Variants in SEC23B observed in about 807,000 individuals in gnomAD.
SEC23B encodes the protein protein transport protein Sec23B.
SEC23B carries 77 observed loss-of-function variants against 104.3 expected under a neutral mutation model. The ratio of observed to expected loss-of-function variants is 0.74; its 90% CI spans 0.61 to 0.89. The LOEUF is 0.89. Among genes scored for constraint, SEC23B ranks in the 40% least tolerant of loss-of-function variants. The pLI is 0.00. For synonymous variants in SEC23B, 338 were observed against 332.5 expected, an observed-to-expected ratio of 1.02 and a Z score of -0.18; for missense variants, 885 against 949.4, an observed-to-expected ratio of 0.93 and a Z score of 0.89.
rs990485649 is a variant in SEC23B, at chr20:18,530,862, A to T, written c.1233+59A>T. On this transcript the variant is annotated intron_variant, in intron 10 of 19. Transcript: ENST00000650089. ...TCACTGTACTGCCCAGGCTGGTCTC[A>T]AACTCCTGGTCTCAGGCAATTTTCC... 14 of 1,391,382 alleles carry T rather than the reference A, an allele frequency of 1.0e-5. No individual in the cohort carries two copies. In the Admixed American group the frequency reaches 2.5e-4, roughly 25 times the overall value. The allele number at this position is 1,391,382 out of a possible 1,614,324, so 86.2% of individuals were successfully genotyped here. A position where few individuals can be genotyped will look rare whatever the true frequency, so the allele number is the denominator to read the frequency against.
chr20:18,522,699 G>GT (rs2148895867), intron 4 of SEC23B, among the ~76,000 whole-genome samples: 1 of 18,514 alleles, frequency 5.4e-5, no homozygotes. Flanking sequence ...TGAGCAACAA[G>GT]CTGTTATTTT....
intron 4 of SEC23B, among the ~76,000 whole-genome samples, chr20:18,517,717 C>T (rs1016723926): frequency 6.6e-6 from 1 of 152,096 alleles, no homozygotes; most frequent in Admixed American, 6.5e-5. Context: ...AGAGATTCAA[C>T]TGAAGAAAGA....
intron 5 of SEC23B, 104 bp from the exon 6 acceptor site, chr20:18,524,831 T>C: frequency 7.5e-7 from 1 of 1,333,140 alleles, no homozygotes; most frequent in Non-Finnish European, 1.1e-6. Flanking sequence ...TAGGTGGGAC[T>C]AGAGGCACAT....
intron 14 of SEC23B, among the ~76,000 whole-genome samples, chr20:18,543,962 G>A (rs1252339238): frequency 2.6e-5 from 4 of 152,178 alleles, no homozygotes; most frequent in Admixed American, 6.5e-5. Context: ...GGGGAGCCAC[G>A]GTGCAGCAGG....
intron 12 of SEC23B, 84 bp downstream of exon 12, chr20:18,535,826 C>T (rs1030096532): frequency 9.8e-7 from 1 of 1,021,786 alleles, no homozygotes; most frequent in Non-Finnish European, 1.5e-6. Context: ...TGGTTACTTT[C>T]TTCACAAACC....
chr20:18,537,733 T>C (rs1265269896), intron 12 of SEC23B, among the ~76,000 whole-genome samples: 1 of 151,946 alleles, frequency 6.6e-6, no homozygotes, highest in African/African-American at 2.4e-5. Context: ...ACTTAAAGTA[T>C]AATAATAATA....
At position 18,524,972 on chromosome 20, in the gene SEC23B, A is replaced by C. The variant is rs778925979; in HGVS notation, c.641A>C (p.Gln214Pro). 3.7e-6 allele frequency: 6 copies of C among 1,614,058 alleles called. No individual in the cohort carries two copies. The highest frequency in any genetic ancestry group is 5.1e-6 in the Non-Finnish European group (6 of 1,179,996). ...CTGACCAAGCCAGCCATGCCCATGC[A>C]GCAAGCACGACCTGCACAACCACAG... ...LGLTKPAMPM[Q>P]QARPAQPQEH... is the part of the protein sequence containing the mutation. Residue 214 changes from glutamine (Q) to proline (P), a missense_variant, in exon 6 of 20, where the codon CAG becomes CCG. By Grantham distance (76) the Gln-to-Pro change is moderately conservative. Transcript: ENST00000650089.
chr20:18,511,350 A>G (rs1403805406), intron 2 of SEC23B, among the ~76,000 whole-genome samples: 1 of 152,176 alleles, frequency 6.6e-6, no homozygotes, highest in Non-Finnish European at 1.5e-5. Flanking sequence ...CTTTTGGCTT[A>G]ACTGTAGACT....
At chr20:18,512,129 T>C in intron 2 of SEC23B, 96 bp from the exon 3 acceptor site, 1 of 776,304 alleles carries the variant, frequency 1.3e-6, no homozygotes, top group Non-Finnish European at 2.1e-6. Context: ...TTTACTGAAC[T>C]TGAAATTTAC....
intron 14 of SEC23B, among the ~76,000 whole-genome samples, 189 bp downstream of exon 14, chr20:18,543,361 T>G (rs899206324): frequency 6.6e-6 from 1 of 152,236 alleles, no homozygotes; most frequent in African/African-American, 2.4e-5. Context: ...ATTTACATTA[T>G]AGTTGGGAAG....
chr20:18,535,737 A>C lies in SEC23B; in HGVS notation c.1399A>C (p.Asn467His), dbSNP rs775102576. 2.5e-6 allele frequency: 4 copies of C among 1,612,354 alleles called. No individual in the cohort carries two copies. In the African/African-American group the frequency reaches 4.0e-5, roughly 16 times the overall value. Residue 467 changes from asparagine (N) to histidine (H), a missense_variant, in exon 12 of 20, where the codon AAT (asparagine) becomes CAT (histidine). Coordinates refer to ENST00000650089, the MANE Select transcript of SEC23B (RefSeq NM_006363.6). ...ACTTGGCATCTATTTTGAAGTTGTC[A>C]ATCAGGTGAGTTGGATTTCTTCACA... ...STLGIYFEVV[N>H]QHNTPIPQGG...
Position 18,546,006 on chromosome 20 carries a change from A to C in SEC23B, c.1716A>C (p.Leu572Phe). The C allele has an allele frequency of 6.3e-7, 1 of 1,584,844 alleles. No individual in the cohort carries two copies. Among genetic ancestry groups the C allele is most frequent in the Non-Finnish European group, 8.7e-7 (1 of 1,153,312 alleles). The change falls in exon 15 of 20, where the codon TTA (leucine) becomes TTC (phenylalanine). Residue 572 changes from leucine to phenylalanine, a missense_variant. Coordinates refer to ENST00000650089, the MANE Select transcript of SEC23B (RefSeq NM_006363.6). ...AAGAAGACCCCACTTCTTTTAGGTT[A>C]TCAGATTCCTTTTCTCTATATCCTC... Reference protein sequence around the residue: ...YNKEDPTSFRLSDSFSLYPQF... With the variant: ...YNKEDPTSFRFSDSFSLYPQF...
chr20:18,538,379 A>T (rs1286248167), intron 12 of SEC23B, among the ~76,000 whole-genome samples: 2 of 151,050 alleles, frequency 1.3e-5, no homozygotes, highest in African/African-American at 4.9e-5. Context: ...CCTCCCGAGT[A>T]GCTGGGACTA....
At chr20:18,515,587 A>T in intron 3 of SEC23B, 63 bp from the exon 4 acceptor site, 1 of 964,904 alleles carries the variant, frequency 1.0e-6, no homozygotes, top group South Asian at 1.3e-5. Context: ...ATTTTTACAC[A>T]TGGAAAATAA....
At chr20:18,548,029 G>C (rs950791627) in intron 15 of SEC23B, among the ~76,000 whole-genome samples, 1 of 152,076 alleles carries the variant, frequency 6.6e-6, no homozygotes, top group African/African-American at 2.4e-5. Flanking sequence ...TCAGCTCACC[G>C]CAACCTCCCC....
At chr20:18,522,154 G>C (rs1454676922) in intron 4 of SEC23B, among the ~76,000 whole-genome samples, 1 of 152,196 alleles carries the variant, frequency 6.6e-6, no homozygotes, top group Non-Finnish European at 1.5e-5. Flanking sequence ...GAGACACGGA[G>C]TAGGGGGTGG....
Position 18,530,707 on chromosome 20 carries a change from C to G in SEC23B, c.1137C>G (p.Phe379Leu). The change falls in exon 10 of 20, where the codon TTC (phenylalanine) becomes TTG (leucine). Residue 379 changes from phenylalanine to leucine, a missense_variant. By Grantham distance (22) the Phe-to-Leu change is conservative. Transcript: ENST00000650089. ...GCTACATGGTAATGGGAGATTCTTT[C>G]AACACTTCTCTCTTCAAGCAGACAT... ...TGGYMVMGDS[F>L]NTSLFKQTFQ... 1.9e-6 allele frequency: 3 copies of G among 1,611,348 alleles called. No homozygotes were observed. Among genetic ancestry groups the G allele is most frequent in the East Asian group, 4.5e-5 (2 of 44,852 alleles).
In SEC23B at chr20:18,530,660, A is replaced by T. The variant is rs2060176049; in HGVS notation, c.1110-20A>T. On this transcript the variant is annotated intron_variant, in intron 9 of 19. Transcript: ENST00000650089. ...TTTCAATCTTCCTAATATTCACTTGATTTTTTTCTTCTTACCTAGAGGCTA... is the reference window on the plus strand; with the variant it reads ...TTTCAATCTTCCTAATATTCACTTGTTTTTTTTCTTCTTACCTAGAGGCTA... 9 of 1,611,546 alleles carry T rather than the reference A, an allele frequency of 5.6e-6. No individual in the cohort carries two copies. Among genetic ancestry groups the T allele is most frequent in the Non-Finnish European group, 6.8e-6 (8 of 1,178,266 alleles).
At chr20:18,512,981 C>T (rs932063712) in intron 3 of SEC23B, among the ~76,000 whole-genome samples, 4 of 152,104 alleles carry the variant, frequency 2.6e-5, no homozygotes, top group African/African-American at 4.8e-5. Flanking sequence ...GTCAAGAGAT[C>T]AAGACCATCC....
Sources: allele counts gnomAD v4.1 joint callset (sites outside exome capture counted in the v4.1 genomes callset), GRCh38; gene constraint gnomAD v4.1.1; transcripts MANE v1.5; gene names NCBI Gene and HGNC (gene_info 2026-07-23, HGNC 2026-07-21).